The following ATP10B variants were observed in gnomAD, a reference collection of about 807,000 sequenced individuals.
The protein encoded by ATP10B is ATPase phospholipid transporting 10B (putative).
In ATP10B, 122 loss-of-function variants were observed where a neutral mutation model predicts 141.2. That is an observed-to-expected ratio of 0.86 (90% CI 0.75 to 1.00). The LOEUF is 1.00. Among genes scored for constraint, ATP10B ranks in the 50% least tolerant of loss-of-function variants. The pLI is 0.00. For synonymous variants in ATP10B, 685 were observed against 692.0 expected, an observed-to-expected ratio of 0.99 and a Z score of 0.16; for missense variants, 1,876 against 1,825.3, an observed-to-expected ratio of 1.03 and a Z score of -0.51.
intron 1 of ATP10B, among the ~76,000 whole-genome samples, chr5:160,839,486 C>T (rs554062586): frequency 6.2e-4 from 94 of 151,850 alleles, no homozygotes; most frequent in Non-Finnish European, 1.1e-3. Flanking sequence ...AAGGGTACCA[C>T]AAAGGTATAA....
chr5:160,614,748 C>T (rs1000713744), intron 17 of ATP10B, among the ~76,000 whole-genome samples: 3 of 152,182 alleles, frequency 2.0e-5, no homozygotes, highest in South Asian at 2.1e-4. Flanking sequence ...TGGGTCTTTC[C>T]CCTTGGAACT....
In ATP10B at chr5:160,632,215, G is replaced by A. The variant is rs375678882; in HGVS notation, c.1534C>T (p.Arg512Trp). Residue 512 changes from arginine to tryptophan, a missense_variant, in exon 13 of 26, where the codon CGG becomes TGG. Arg to Trp is a moderately radical substitution (Grantham distance 101). Transcript: ENST00000327245. ...AQPLRRSQSA[R>W]VPIQGHYRQR... The stretch of plus-strand genomic sequence containing the variant: ...CGGTAGTGGCCCTGGATGGGCACCC[G>A]GGCACTCTGGCTCCTCCTCAGAGGC... 19 of 1,614,018 alleles carry A rather than the reference G, an allele frequency of 1.2e-5. No homozygotes were observed. The highest frequency in any genetic ancestry group is 1.1e-5 in the Non-Finnish European group (13 of 1,180,034).
chr5:160,845,193 T>C (rs1776048425), intron 1 of ATP10B, among the ~76,000 whole-genome samples: 1 of 152,198 alleles, frequency 6.6e-6, no homozygotes, highest in African/African-American at 2.4e-5. Context: ...TATCACTATG[T>C]GACTCTAAAA....
rs1581120362 is a variant in ATP10B at position 160,564,678 on chromosome 5, A to G, written c.*775T>C. The G allele has an allele frequency of 6.6e-6, 1 of 152,208 alleles. No individual in the cohort carries two copies. Among genetic ancestry groups the G allele is most frequent in the Admixed American group, 6.5e-5 (1 of 15,276 alleles). The allele number at this position is 152,208 out of a possible 1,614,324, so 9.4% of individuals were successfully genotyped here. On this transcript the variant is annotated 3_prime_UTR_variant, in exon 26 of 26. Transcript: ENST00000327245. ...AGATACAATAAATAGCTTTAAAAAAAGAGTGCCACCTATGTCCTCTTGTCA... is the reference window on the plus strand; with the variant it reads ...AGATACAATAAATAGCTTTAAAAAAGGAGTGCCACCTATGTCCTCTTGTCA...
chr5:160,588,588 A>C (rs1756067677), intron 24 of ATP10B, among the ~76,000 whole-genome samples: 1 of 152,210 alleles, frequency 6.6e-6, no homozygotes, highest in Non-Finnish European at 1.5e-5. Flanking sequence ...ATGGATGTTA[A>C]AGGCTCACGT....
intron 1 of ATP10B, among the ~76,000 whole-genome samples, chr5:160,847,877 T>C (rs1026394826): frequency 6.6e-5 from 10 of 152,188 alleles, no homozygotes; most frequent in Non-Finnish European, 1.0e-4. Context: ...GGTATTGCTT[T>C]AAGTTTGACA....
intron 1 of ATP10B, among the ~76,000 whole-genome samples, chr5:160,833,565 G>C (rs914920748): frequency 6.6e-6 from 1 of 152,138 alleles, no homozygotes; most frequent in Non-Finnish European, 1.5e-5. Context: ...ACAGGCAAAG[G>C]AGCAGGAAAA....
chr5:160,851,709 G>C (rs1561924799), intron 1 of ATP10B, among the ~76,000 whole-genome samples: 1 of 152,174 alleles, frequency 6.6e-6, no homozygotes, highest in African/African-American at 2.4e-5. Flanking sequence ...CCTGTTGAGT[G>C]AGGAAGTAGC....
the ATP10B span, among the ~76,000 whole-genome samples, chr5:160,895,423 C>T: frequency 3.3e-5 from 5 of 152,124 alleles, no homozygotes; most frequent in Non-Finnish European, 7.3e-5. Context: ...ATAAAACAGA[C>T]TTTAAACCAA....
the ATP10B span, among the ~76,000 whole-genome samples, chr5:160,891,211 T>C: frequency 6.6e-6 from 1 of 152,310 alleles, no homozygotes; most frequent in African/African-American, 2.4e-5. Context: ...CAACATTCTG[T>C]GTTACCAGAC....
chr5:160,786,191 TGTA>T (rs151085354), intron 1 of ATP10B, among the ~76,000 whole-genome samples: 1,811 of 152,236 alleles, frequency 0.012, 33 homozygotes, highest in African/African-American at 0.041. Flanking sequence ...GTGTTGAAAA[TGTA>T]GTAGAAGGTC....
chr5:160,686,984 C>G (rs1763796056), intron 5 of ATP10B: 3 of 985,154 alleles, frequency 3.0e-6, no homozygotes, highest in Non-Finnish European at 3.6e-6. Context: ...GTGCATCTTG[C>G]TCTCTCTTGC....
intron 2 of ATP10B, among the ~76,000 whole-genome samples, chr5:160,772,777 G>T (rs546928180): frequency 5.3e-5 from 8 of 152,220 alleles, no homozygotes; most frequent in Admixed American, 3.3e-4. Flanking sequence ...GGGAACCCCT[G>T]TCCTAAAAAG....
intron 1 of ATP10B, among the ~76,000 whole-genome samples, chr5:160,834,697 ACACT>A (rs1775311009): frequency 6.6e-6 from 1 of 152,180 alleles, no homozygotes; most frequent in Non-Finnish European, 1.5e-5. Flanking sequence ...GTGCTTTCAG[ACACT>A]CACATACAAA....
intron 21 of ATP10B, among the ~76,000 whole-genome samples, chr5:160,599,652 C>G (rs1423695122): frequency 6.6e-6 from 1 of 152,202 alleles, no homozygotes; most frequent in Non-Finnish European, 1.5e-5. Flanking sequence ...AGGTTGACTT[C>G]ACTGTACTTT....
the ATP10B span, among the ~76,000 whole-genome samples, chr5:160,894,999 A>T: frequency 6.6e-6 from 1 of 152,244 alleles, no homozygotes; most frequent in Non-Finnish European, 1.5e-5. Flanking sequence ...CAGACAAGCA[A>T]ATGCTAAGAG....
chr5:160,768,343 A>C (rs191208504), intron 2 of ATP10B, among the ~76,000 whole-genome samples: 65 of 152,312 alleles, frequency 4.3e-4, no homozygotes, highest in African/African-American at 1.5e-3. Flanking sequence ...CTAAATTCAT[A>C]TGGCTGAAAA....
At chr5:160,779,539 C>A (rs1422750504) in intron 2 of ATP10B, among the ~76,000 whole-genome samples, 3 of 152,164 alleles carry the variant, frequency 2.0e-5, no homozygotes, top group Non-Finnish European at 4.4e-5. Flanking sequence ...TGTGCAACAG[C>A]CTTGGAGGAA....
chr5:160,844,062 GTTATT>G (rs1349734344), intron 1 of ATP10B, among the ~76,000 whole-genome samples: 5 of 151,982 alleles, frequency 3.3e-5, no homozygotes, highest in Middle Eastern at 3.2e-3. Context: ...AATATTAAGG[GTTATT>G]TTGAGTAAAA....
Sources: allele counts gnomAD v4.1 joint callset (sites outside exome capture counted in the v4.1 genomes callset), GRCh38; gene constraint gnomAD v4.1.1; transcripts MANE v1.5; gene names NCBI Gene and HGNC (gene_info 2026-07-23, HGNC 2026-07-21).